Variants in NBAS observed in about 807,000 individuals in gnomAD.
NBAS encodes the protein NAG/BC035112 fusion.
A neutral mutation model predicts 302.5 loss-of-function variants in NBAS; 219 were observed. The ratio of observed to expected loss-of-function variants is 0.72; its 90% CI spans 0.65 to 0.81. The LOEUF is 0.81. Among genes scored for constraint, NBAS ranks in the 30% least tolerant of loss-of-function variants. NBAS has a pLI of 0.00. For missense variants in NBAS, 2,932 were observed against 2,841.6 expected (o/e 1.03, Z -0.72); for synonymous variants, 1,118 against 1,021.6 (o/e 1.09, Z -1.80).
intron 21 of NBAS, among the ~76,000 whole-genome samples, chr2:15,455,472 T>C (rs923688171): frequency 1.3e-5 from 2 of 152,116 alleles, no homozygotes; most frequent in African/African-American, 2.4e-5. Flanking sequence ...TGTATTACCT[T>C]TGCAACTGTT....
intron 9 of NBAS, among the ~76,000 whole-genome samples, chr2:15,533,409 T>C (rs1394689972): frequency 6.6e-6 from 1 of 152,202 alleles, no homozygotes; most frequent in Non-Finnish European, 1.5e-5. Flanking sequence ...TGTTGCAAAT[T>C]ATTTGTAAAA....
intron 42 of NBAS, among the ~76,000 whole-genome samples, chr2:15,283,088 G>C (rs1362931984): frequency 6.6e-6 from 1 of 152,066 alleles, no homozygotes; most frequent in Non-Finnish European, 1.5e-5. Context: ...AGCTCCATTA[G>C]GGCAAGGATG....
chr2:15,129,900 G>A, the NBAS span, among the ~76,000 whole-genome samples: 10 of 152,286 alleles, frequency 6.6e-5, no homozygotes, highest in East Asian at 3.9e-4. Flanking sequence ...TACAGTAAGC[G>A]CTCAGACATT....
At chr2:15,427,365 GA>G (rs1289518202) in intron 22 of NBAS, among the ~76,000 whole-genome samples, 4 of 150,792 alleles carry the variant, frequency 2.7e-5, no homozygotes, top group South Asian at 2.1e-4. Flanking sequence ...AATCTGACAA[GA>G]AAAAAAATTA....
chr2:14,807,181 T>A, the NBAS span, among the ~76,000 whole-genome samples: 3 of 152,118 alleles, frequency 2.0e-5, no homozygotes, highest in Admixed American at 1.3e-4. Context: ...TGAGTTCAAA[T>A]ATAATTTTTT....
the NBAS span, among the ~76,000 whole-genome samples, chr2:14,805,903 T>A: frequency 1.3e-5 from 2 of 152,292 alleles, no homozygotes; most frequent in Non-Finnish European, 2.9e-5. Context: ...TCATAGCTCA[T>A]CTCCAGTATA....
chr2:14,954,120 T>C, the NBAS span, among the ~76,000 whole-genome samples: 16 of 152,278 alleles, frequency 1.1e-4, no homozygotes, highest in Non-Finnish European at 1.5e-4. Flanking sequence ...TGTTGATTGA[T>C]GTAAAGGCAG....
chr2:15,294,774 T>G (rs1290960056), intron 40 of NBAS, among the ~76,000 whole-genome samples: 6 of 152,212 alleles, frequency 3.9e-5, no homozygotes, highest in Non-Finnish European at 7.3e-5. Context: ...TCTTTTCAGT[T>G]GTTCCTTGAA....
At chr2:15,483,249 T>G (rs574079080) in intron 12 of NBAS, 1 of 295,284 alleles carries the variant, frequency 3.4e-6, no homozygotes, top group African/African-American at 2.2e-5. Context: ...GTGCCTATTC[T>G]CAAAGAACTC....
At chr2:14,811,715 A>C in the NBAS span, among the ~76,000 whole-genome samples, 1 of 152,200 alleles carries the variant, frequency 6.6e-6, no homozygotes, top group African/African-American at 2.4e-5. Flanking sequence ...GAAGAAAGTA[A>C]GGTGGCTGTT....
the NBAS span, among the ~76,000 whole-genome samples, chr2:14,827,666 A>G: frequency 6.6e-6 from 1 of 152,250 alleles, no homozygotes; most frequent in Non-Finnish European, 1.5e-5. Context: ...ATGAATCTAG[A>G]GAACATTATC....
chr2:15,366,373 C>G (rs1674197883), intron 32 of NBAS, among the ~76,000 whole-genome samples: 1 of 152,126 alleles, frequency 6.6e-6, no homozygotes, highest in Non-Finnish European at 1.5e-5. Context: ...AAATACTAAT[C>G]CTTGCCCAAA....
chr2:14,960,268 G>A, the NBAS span, among the ~76,000 whole-genome samples: 1 of 152,238 alleles, frequency 6.6e-6, no homozygotes, highest in African/African-American at 2.4e-5. Flanking sequence ...ACTCCTCACT[G>A]CTATCTACTT....
the NBAS span, among the ~76,000 whole-genome samples, chr2:14,819,036 T>C: frequency 6.6e-6 from 1 of 152,230 alleles, no homozygotes; most frequent in African/African-American, 2.4e-5. Context: ...GTGCCACTCC[T>C]GTAGGCTCTG....
intron 50 of NBAS, among the ~76,000 whole-genome samples, chr2:15,183,783 C>T (rs1239074884): frequency 6.6e-6 from 1 of 152,180 alleles, no homozygotes; most frequent in African/African-American, 2.4e-5. Flanking sequence ...AGAGCAGACG[C>T]AGTACATCCC....
At position 15,351,606 on chromosome 2, in the gene NBAS, AGGTGGAG is replaced by A. The variant is rs373849231; in HGVS notation, c.4179+379_4179+385del. ...GGCAGGGGAATTGCTTGAACCTGGGAGGTGGAGGTTGCAGTGAGTGGAGATCACACCA... is the reference window on the plus strand; with the variant it reads ...GGCAGGGGAATTGCTTGAACCTGGGAGTTGCAGTGAGTGGAGATCACACCA... On this transcript the variant is annotated intron_variant, in intron 35 of 51. Transcript: ENST00000281513. Among the ~76,000 whole-genome samples, 642 of 152,090 alleles carry A rather than the reference AGGTGGAG, an allele frequency of 4.2e-3. 6 individuals are homozygous for A. Among genetic ancestry groups the A allele is most frequent in the African/African-American group, 0.015 (612 of 41,490 alleles).
chr2:14,873,062 A>G, the NBAS span, among the ~76,000 whole-genome samples: 722 of 152,262 alleles, frequency 4.7e-3, 5 homozygotes, highest in African/African-American at 0.016. Context: ...GGCCGAGGCT[A>G]GCTCGGGTGG....
At chr2:15,304,685 C>T (rs1022123298) in intron 40 of NBAS, among the ~76,000 whole-genome samples, 9 of 152,184 alleles carry the variant, frequency 5.9e-5, no homozygotes, top group Admixed American at 5.2e-4. Context: ...GGGACAAAGA[C>T]GACTCTTGCT....
At chr2:14,914,577 G>A in the NBAS span, among the ~76,000 whole-genome samples, 1 of 152,178 alleles carries the variant, frequency 6.6e-6, no homozygotes, top group East Asian at 1.9e-4. Context: ...ATTATTTGCA[G>A]GAACAGATTG....
Sources: gnomAD v4.1 joint callset for allele counts (sites outside exome capture counted in the v4.1 genomes callset) on GRCh38, gnomAD v4.1.1 for gene constraint, MANE v1.5 for transcripts, NCBI Gene and HGNC (gene_info 2026-07-23, HGNC 2026-07-21) for gene names.